Variants in KDM4B observed in about 807,000 individuals in gnomAD.
The protein encoded by KDM4B is lysine demethylase 4B, also known as lysine-specific demethylase 4B.
In KDM4B, 32 loss-of-function variants were observed where a neutral mutation model predicts 125.2. That is an observed-to-expected ratio of 0.26 (90% CI 0.19 to 0.34). The LOEUF (loss-of-function observed/expected upper bound fraction) is 0.34, where lower values mean the gene tolerates loss of function less well. Ranked by LOEUF, KDM4B falls within the 10% of genes least tolerant of loss-of-function variation. The pLI is 1.00. For missense variants in KDM4B, 1,190 were observed against 1,577.7 expected, an observed-to-expected ratio of 0.75 and a Z score of 4.16; for synonymous variants, 721 against 677.9, an observed-to-expected ratio of 1.06 and a Z score of -0.99.
At chr19:5,056,882 G>GCTGGGGCGGGGAGTC (rs67145169) in intron 6 of KDM4B, among the ~76,000 whole-genome samples, 2 of 143,592 alleles carry the variant, frequency 1.4e-5, no homozygotes, top group Non-Finnish European at 3.1e-5. Flanking sequence ...GGGCGGGGAC[G>GCTGGGGCGGGGAGTC]CTGGGGCGGG....
chr19:5,145,902 GTC>G (rs2039832848), intron 21 of KDM4B, among the ~76,000 whole-genome samples: 1 of 152,172 alleles, frequency 6.6e-6, no homozygotes, highest in Non-Finnish European at 1.5e-5. Context: ...TCTTTACCAC[GTC>G]GGTTAAGGTG....
At chr19:5,150,677 A>C (rs10408876) in intron 22 of KDM4B, among the ~76,000 whole-genome samples, 1 of 151,944 alleles carries the variant, frequency 6.6e-6, no homozygotes, top group Non-Finnish European at 1.5e-5. Context: ...GATGCCGTTA[A>C]TGTGGGGAGG....
chr19:5,018,121 C>T (rs1292165646), intron 2 of KDM4B, among the ~76,000 whole-genome samples: 6 of 152,194 alleles, frequency 3.9e-5, no homozygotes, highest in African/African-American at 1.4e-4. Context: ...TCACTGCAGC[C>T]TCCACCTCCT....
At chr19:4,989,484 A>G (rs571629753) in intron 1 of KDM4B, among the ~76,000 whole-genome samples, 1 of 150,740 alleles carries the variant, frequency 6.6e-6, no homozygotes, top group Non-Finnish European at 1.5e-5. Flanking sequence ...GATTACAGGC[A>G]TGCACCACCA....
At position 5,068,529 on chromosome 19, in the gene KDM4B, C is replaced by T. The variant is rs552183923; in HGVS notation, c.627-2481C>T. Among the ~76,000 whole-genome samples the T allele has an allele frequency of 5.3e-5, 8 of 152,368 alleles. 2 individuals are homozygous for T. The highest frequency in any genetic ancestry group is 1.9e-4 in the African/African-American group (8 of 41,594). ...CTCACTCAGTTCTGTGTGTCCTAAG[C>T]CGTGTCCTGGCACTTTCTCTTGGAA... is the stretch of plus-strand genomic sequence containing the variant. On this transcript the variant is annotated intron_variant, in intron 6 of 22. Transcript: ENST00000159111.
chr19:5,078,889 C>T lies in KDM4B; in HGVS notation c.780+1419C>T, dbSNP rs1420616191. 4 of 152,166 alleles carry T rather than the reference C, an allele frequency of 2.6e-5. No homozygotes were observed. Among genetic ancestry groups the T allele is most frequent in the African/African-American group, 9.7e-5 (4 of 41,448 alleles). The allele number at this position is 152,166 out of a possible 1,614,324, so 9.4% of individuals were successfully genotyped here. A position where few individuals can be genotyped will look rare whatever the true frequency, so the allele number is the denominator to read the frequency against. On this transcript the variant is annotated intron_variant, in intron 8 of 22. Coordinates refer to ENST00000159111, the MANE Select transcript of KDM4B (RefSeq NM_015015.3). This position sits in a 1 kb window ranked among gnomAD's most constrained non-coding sequence, Gnocchi z 4.5. ...TTGCTGGGGCCGGGCGCCAGTTTCT[C>T]CAGAGGCTGCCACAGTGAAGGCCCC...
intron 2 of KDM4B, among the ~76,000 whole-genome samples, chr19:5,021,866 C>T (rs185556603): frequency 2.0e-5 from 3 of 152,218 alleles, no homozygotes; most frequent in African/African-American, 7.2e-5. Flanking sequence ...GATCTGTTGA[C>T]CTCGTGATCT....
intron 21 of KDM4B, among the ~76,000 whole-genome samples, chr19:5,147,227 T>A (rs1194856949): frequency 6.6e-6 from 1 of 152,140 alleles, no homozygotes; most frequent in Non-Finnish European, 1.5e-5. Flanking sequence ...CACAAATAGA[T>A]AAATAGCCAT....
intron 7 of KDM4B, among the ~76,000 whole-genome samples, chr19:5,071,961 G>A (rs953548458): frequency 6.6e-6 from 1 of 152,336 alleles, no homozygotes. Context: ...GGGTGCGTGA[G>A]GGGTGAGGGT....
chr19:5,101,222 CAAA>C (rs751379008), intron 9 of KDM4B, among the ~76,000 whole-genome samples: 1 of 85,628 alleles, frequency 1.2e-5, no homozygotes. Flanking sequence ...GACTCCGTCT[CAAA>C]AAAAAAAAAA....
chr19:5,147,866 G>A (rs931262936), intron 21 of KDM4B, among the ~76,000 whole-genome samples: 2 of 152,104 alleles, frequency 1.3e-5, no homozygotes, highest in African/African-American at 2.4e-5. Context: ...GCCTGCCTGC[G>A]AGGTGGCGGC....
At chr19:5,053,094 C>G (rs534561661) in intron 6 of KDM4B, among the ~76,000 whole-genome samples, 1 of 152,242 alleles carries the variant, frequency 6.6e-6, no homozygotes, top group Admixed American at 6.5e-5. Flanking sequence ...TGGAAATTGC[C>G]TGGAGCCTGA....
At chr19:5,123,545 G>A (rs967913484) in intron 11 of KDM4B, among the ~76,000 whole-genome samples, 2 of 152,236 alleles carry the variant, frequency 1.3e-5, no homozygotes, top group African/African-American at 4.8e-5. Context: ...CCAGGTCCGG[G>A]GGCTAGGACT....
intron 9 of KDM4B, among the ~76,000 whole-genome samples, chr19:5,100,662 C>T (rs941898327): frequency 4.6e-5 from 7 of 152,242 alleles, no homozygotes; most frequent in South Asian, 2.1e-4. Flanking sequence ...GTGATCCTCT[C>T]GCCTCGGCCT....
chr19:5,149,474 T>C (rs1426645692), intron 21 of KDM4B, among the ~76,000 whole-genome samples: 1 of 152,138 alleles, frequency 6.6e-6, no homozygotes, highest in Non-Finnish European at 1.5e-5. Context: ...CTGGCTTGTT[T>C]TGAGTTTTTA....
At position 5,114,752 on chromosome 19, in the gene KDM4B, G is replaced by A. The variant is rs558230399; in HGVS notation, c.1115+3934G>A. Among the ~76,000 whole-genome samples, 10 of 152,334 alleles carry A rather than the reference G, an allele frequency of 6.6e-5. No individual in the cohort carries two copies. The highest frequency in any genetic ancestry group is 3.4e-3 in the Middle Eastern group (1 of 294). On this transcript the variant is annotated intron_variant, in intron 10 of 22. Coordinates refer to ENST00000159111, the MANE Select transcript of KDM4B (RefSeq NM_015015.3). This position sits in a 1 kb window ranked among gnomAD's most constrained non-coding sequence, Gnocchi z 5.8. ...ACCTTGTGAGAAGCCCTGAGCCAGC[G>A]CGGCACTGAATGCTGATGGTCCCAC...
intron 1 of KDM4B, among the ~76,000 whole-genome samples, chr19:4,995,285 A>G (rs2035163055): frequency 6.6e-6 from 1 of 151,374 alleles, no homozygotes; most frequent in South Asian, 2.1e-4. Flanking sequence ...AAGACTCCAA[A>G]TCTGTGTCAG....
chr19:5,084,594 T>C (rs1173299576), intron 9 of KDM4B, among the ~76,000 whole-genome samples: 4 of 143,034 alleles, frequency 2.8e-5, no homozygotes, highest in African/African-American at 7.7e-5. Context: ...TAAATATAAA[T>C]TATATAAATT....
intron 6 of KDM4B, among the ~76,000 whole-genome samples, chr19:5,065,885 A>G (rs78183186): frequency 0.23 from 34,783 of 152,162 alleles, 4,806 homozygotes; most frequent in East Asian, 0.65. Context: ...GGGGCCTCGC[A>G]GCATCCCCCG....
Sources: allele counts gnomAD v4.1 joint callset (sites outside exome capture counted in the v4.1 genomes callset), GRCh38; gene constraint gnomAD v4.1.1; non-coding constraint Gnocchi (gnomAD v3.1); transcripts MANE v1.5; gene names NCBI Gene and HGNC (gene_info 2026-07-23, HGNC 2026-07-21).